RHOQ: variants seen among roughly 807,000 people sequenced by gnomAD.
The protein encoded by RHOQ is ras homolog family member Q.
Under a neutral mutation model 25.8 loss-of-function variants are expected in RHOQ, and 7 were observed. The ratio of observed to expected loss-of-function variants is 0.27; its 90% CI spans 0.15 to 0.51. The LOEUF is 0.51. Among genes scored for constraint, RHOQ ranks in the 20% least tolerant of loss-of-function variants. The pLI is 0.97. For missense variants in RHOQ, 165 were observed against 260.6 expected (o/e 0.63, Z 2.53); for synonymous variants, 97 against 98.6 (o/e 0.98, Z 0.10).
chr2:46,560,415 C>CT (rs1668537946), intron 2 of RHOQ: 2 of 339,634 alleles, frequency 5.9e-6, no homozygotes, highest in Non-Finnish European at 1.2e-5. Context: ...GAAGTCTTCT[C>CT]TTTTTTTATA....
In RHOQ at chr2:46,555,228, G is replaced by A. The variant is rs1013982933; in HGVS notation, c.201+11416G>A. 6.6e-5 allele frequency among the ~76,000 whole-genome samples: 10 copies of A among 152,244 alleles called. No individual in the cohort carries two copies. The highest frequency in any genetic ancestry group is 1.5e-4 in the Non-Finnish European group (10 of 68,040). ...CTGACTCCGGCCCTCTAGTGGTCGA[G>A]TCCCTCCTTAGAATTTCCACTAAGT... On this transcript the variant is annotated intron_variant, in intron 2 of 4. Coordinates refer to ENST00000238738, the MANE Select transcript of RHOQ (RefSeq NM_012249.4). The surrounding 1 kb of genome is among the most constrained non-coding windows in gnomAD (Gnocchi z 4.3).
intron 2 of RHOQ, among the ~76,000 whole-genome samples, chr2:46,547,190 T>C (rs1668098363): frequency 2.6e-5 from 4 of 152,220 alleles, no homozygotes; most frequent in Admixed American, 2.6e-4. Flanking sequence ...CTCTCCAAAA[T>C]GTTCACTCAT....
intron 2 of RHOQ, chr2:46,560,400 TA>T (rs1233766179): frequency 5.9e-6 from 2 of 336,472 alleles, no homozygotes; most frequent in African/African-American, 4.3e-5. Context: ...GGCTGGGACT[TA>T]ACTGAAGTCT....
intron 2 of RHOQ, among the ~76,000 whole-genome samples, chr2:46,570,326 G>A (rs550403699): frequency 2.0e-5 from 3 of 152,212 alleles, no homozygotes; most frequent in Non-Finnish European, 2.9e-5. Context: ...TGTAATCCCA[G>A]CTACTCAGGA....
intron 2 of RHOQ, among the ~76,000 whole-genome samples, chr2:46,561,615 A>G (rs868756400): frequency 6.6e-6 from 1 of 151,872 alleles, no homozygotes; most frequent in Middle Eastern, 3.4e-3. Flanking sequence ...AGTAATACCT[A>G]TTTTTCCATG....
At chr2:46,557,444 C>G (rs928174322) in intron 2 of RHOQ, among the ~76,000 whole-genome samples, 1 of 151,926 alleles carries the variant, frequency 6.6e-6, no homozygotes, top group Admixed American at 6.6e-5. Flanking sequence ...TGTGAAAAAG[C>G]AGGAATCAAA....
chr2:46,564,473 G>A (rs191253164), intron 2 of RHOQ, among the ~76,000 whole-genome samples: 192 of 152,336 alleles, frequency 1.3e-3, no homozygotes, highest in African/African-American at 4.4e-3. Context: ...ATGTCTGTGA[G>A]GGCATCCTGA....
At chr2:46,577,781 G>T (rs1251029312) in intron 4 of RHOQ, among the ~76,000 whole-genome samples, 1 of 151,764 alleles carries the variant, frequency 6.6e-6, no homozygotes, top group African/African-American at 2.4e-5. Context: ...CTGGAGGACA[G>T]TTTTTCCTAA....
rs893211362 is a variant in RHOQ, at chr2:46,584,293, A to G, written c.*3210A>G. Among the ~76,000 whole-genome samples the G allele has an allele frequency of 6.6e-6, 1 of 152,172 alleles. No homozygotes were observed. Among genetic ancestry groups the G allele is most frequent in the African/African-American group, 2.4e-5 (1 of 41,458 alleles). ...TTATTACCCTATGTAAACATTTAGGATAATACTCTTTCCTCTATTTATGCT... is the reference window on the plus strand; with the variant it reads ...TTATTACCCTATGTAAACATTTAGGGTAATACTCTTTCCTCTATTTATGCT... On this transcript the variant is annotated 3_prime_UTR_variant, in exon 5 of 5. Coordinates refer to ENST00000238738, the MANE Select transcript of RHOQ (RefSeq NM_012249.4).
intron 2 of RHOQ, among the ~76,000 whole-genome samples, chr2:46,554,337 GGGGTGCCTT>G (rs1668344827): frequency 1.3e-5 from 2 of 152,126 alleles, no homozygotes; most frequent in Non-Finnish European, 2.9e-5. Context: ...AATTTTTTGT[GGGGTGCCTT>G]GGCTCCATTA....
intron 2 of RHOQ, among the ~76,000 whole-genome samples, chr2:46,557,276 A>C (rs930666852): frequency 1.3e-5 from 2 of 152,226 alleles, no homozygotes; most frequent in African/African-American, 4.8e-5. Flanking sequence ...ATTCTTCACA[A>C]TGTTATTTAT....
intron 2 of RHOQ, among the ~76,000 whole-genome samples, chr2:46,546,146 G>A (rs905262044): frequency 2.0e-5 from 3 of 151,890 alleles, no homozygotes; most frequent in African/African-American, 7.3e-5. Context: ...AATGGCAAGT[G>A]CCTGCTGTGT....
Position 46,566,046 on chromosome 2 carries a change from CAG to C in RHOQ, c.202-10040_202-10039del, listed in dbSNP as rs1293942401. Among the ~76,000 whole-genome samples, 1 of 152,116 alleles carries C rather than the reference CAG, an allele frequency of 6.6e-6. No individual in the cohort carries two copies. Among genetic ancestry groups the C allele is most frequent in the African/African-American group, 2.4e-5 (1 of 41,402 alleles). On this transcript the variant is annotated intron_variant, in intron 2 of 4. Coordinates refer to ENST00000238738, the MANE Select transcript of RHOQ (RefSeq NM_012249.4). This position sits in a 1 kb window ranked among gnomAD's most constrained non-coding sequence, Gnocchi z 4.2. The stretch of plus-strand genomic sequence containing the variant: ...AAGAAATACGGAGAGAGAGAAGAAA[CAG>C]GGAAACTCACTGGGCAGGTGACTGC...
chr2:46,549,879 G>A (rs1276878448), intron 2 of RHOQ, among the ~76,000 whole-genome samples: 1 of 152,118 alleles, frequency 6.6e-6, no homozygotes, highest in Non-Finnish European at 1.5e-5. Flanking sequence ...CCATGTTGCA[G>A]TGCTCAGCCC....
At chr2:46,560,693 G>A (rs970584212) in intron 2 of RHOQ, 1 of 450,776 alleles carries the variant, frequency 2.2e-6, no homozygotes, top group Non-Finnish European at 4.5e-6. Context: ...GACAGAGGTA[G>A]ATAGTCACTA....
At chr2:46,574,313 G>T (rs910488566) in intron 2 of RHOQ, among the ~76,000 whole-genome samples, 2 of 151,554 alleles carry the variant, frequency 1.3e-5, no homozygotes, top group African/African-American at 4.9e-5. Context: ...TGCTGGGTGG[G>T]ATGCTAAGAT....
chr2:46,566,415 C>T lies in RHOQ; in HGVS notation c.202-9672C>T, dbSNP rs1240568133. Among the ~76,000 whole-genome samples, 1 of 152,112 alleles carries T rather than the reference C, an allele frequency of 6.6e-6. No individual in the cohort carries two copies. Among genetic ancestry groups the T allele is most frequent in the African/African-American group, 2.4e-5 (1 of 41,410 alleles). Reference sequence around the variant, plus strand: ...CCTACCCTCAGTTTTCTTCATCCCTCTAAAAGATGCCATATCATCTAGATA... The same window carrying T: ...CCTACCCTCAGTTTTCTTCATCCCTTTAAAAGATGCCATATCATCTAGATA... On this transcript the variant is annotated intron_variant, in intron 2 of 4. Coordinates refer to ENST00000238738, the MANE Select transcript of RHOQ (RefSeq NM_012249.4). This position sits in a 1 kb window ranked among gnomAD's most constrained non-coding sequence, Gnocchi z 4.2.
chr2:46,558,323 T>C (rs1668465362), intron 2 of RHOQ, among the ~76,000 whole-genome samples: 1 of 152,276 alleles, frequency 6.6e-6, no homozygotes, highest in Non-Finnish European at 1.5e-5. Flanking sequence ...GTGGAATGTA[T>C]ATTTTATTAG....
intron 2 of RHOQ, among the ~76,000 whole-genome samples, chr2:46,544,236 T>A (rs578085918): frequency 6.6e-5 from 10 of 152,290 alleles, no homozygotes; most frequent in African/African-American, 2.4e-4. Context: ...AATGGCATCA[T>A]CTAATATGAT....
Sources: allele counts gnomAD v4.1 joint callset (sites outside exome capture counted in the v4.1 genomes callset), GRCh38; gene constraint gnomAD v4.1.1; non-coding constraint Gnocchi (gnomAD v3.1); transcripts MANE v1.5; gene names NCBI Gene and HGNC (gene_info 2026-07-23, HGNC 2026-07-21).